SGCZ: variants seen among roughly 807,000 people sequenced by gnomAD.
SGCZ encodes sarcoglycan zeta.
In SGCZ, 40 loss-of-function variants were observed where a neutral mutation model predicts 41.3. The ratio of observed to expected loss-of-function variants is 0.97; its 90% CI spans 0.75 to 1.26. The LOEUF is 1.26. Ranked by LOEUF, SGCZ falls within the 50% of genes most tolerant of loss-of-function variation. The pLI, the probability that SGCZ is intolerant of heterozygous loss-of-function variation, is 0.00. For synonymous variants in SGCZ, 206 were observed against 137.5 expected, an observed-to-expected ratio of 1.50 and a Z score of -3.49; for missense variants, 552 against 369.8, an observed-to-expected ratio of 1.49 and a Z score of -4.04.
Position 14,205,509 on chromosome 8 carries a change from T to C in SGCZ, c.424+32083A>G, listed in dbSNP as rs1483453878. On this transcript the variant is annotated intron_variant, in intron 4 of 7. Coordinates refer to ENST00000382080, the MANE Select transcript of SGCZ (RefSeq NM_139167.4). ...ACCACAGTCTAAACATTGCCGATGATGTCATCCACTGTTTGTTATTTAAGG... is the reference window on the plus strand; with the variant it reads ...ACCACAGTCTAAACATTGCCGATGACGTCATCCACTGTTTGTTATTTAAGG... Among the ~76,000 whole-genome samples, 7 of 152,226 alleles carry C rather than the reference T, an allele frequency of 4.6e-5. No homozygotes were observed. In the East Asian group the frequency reaches 1.2e-3, roughly 25 times the overall value.
At chr8:14,414,695 G>T (rs1799449225) in intron 2 of SGCZ, among the ~76,000 whole-genome samples, 1 of 151,852 alleles carries the variant, frequency 6.6e-6, no homozygotes. Context: ...CAATAAGCTT[G>T]GCCAATCATG....
intron 1 of SGCZ, among the ~76,000 whole-genome samples, chr8:15,190,680 T>TG (rs1800506803): frequency 6.7e-6 from 1 of 149,468 alleles, no homozygotes; most frequent in Admixed American, 6.7e-5. Context: ...TAAAATTGTG[T>TG]GGGGGGAGGT....
At chr8:14,411,238 A>G (rs1160316742) in intron 2 of SGCZ, among the ~76,000 whole-genome samples, 3 of 152,172 alleles carry the variant, frequency 2.0e-5, no homozygotes, top group Non-Finnish European at 2.9e-5. Context: ...TACAACTCTT[A>G]CATAGTATGA....
intron 1 of SGCZ, among the ~76,000 whole-genome samples, chr8:15,026,515 AC>A (rs1336621791): frequency 1.3e-5 from 2 of 152,344 alleles, no homozygotes; most frequent in African/African-American, 4.8e-5. Context: ...AGAAGTTCAA[AC>A]AAAAATGCAT....
chr8:14,642,481 A>G (rs1473464791), intron 1 of SGCZ, among the ~76,000 whole-genome samples: 1 of 151,418 alleles, frequency 6.6e-6, no homozygotes, highest in African/African-American at 2.4e-5. Flanking sequence ...GTAACTTACT[A>G]TATGTAAGTT....
At chr8:14,243,920 A>C (rs1798982481) in intron 3 of SGCZ, among the ~76,000 whole-genome samples, 1 of 152,130 alleles carries the variant, frequency 6.6e-6, no homozygotes, top group South Asian at 2.1e-4. Flanking sequence ...CATTTAACTG[A>C]ACTGTCCTGA....
chr8:14,307,720 G>GTGAT (rs1801392999), intron 3 of SGCZ, among the ~76,000 whole-genome samples: 2 of 152,014 alleles, frequency 1.3e-5, no homozygotes, highest in Non-Finnish European at 2.9e-5. Flanking sequence ...TAACAAAGTG[G>GTGAT]TGATTTTTTT....
intron 1 of SGCZ, among the ~76,000 whole-genome samples, chr8:14,714,737 T>A (rs960315914): frequency 6.6e-6 from 1 of 151,830 alleles, no homozygotes; most frequent in East Asian, 1.9e-4. Flanking sequence ...TAGAAAAAAA[T>A]TAAAAATAAA....
intron 1 of SGCZ, among the ~76,000 whole-genome samples, chr8:14,684,776 T>A (rs1384765899): frequency 6.6e-6 from 1 of 151,836 alleles, no homozygotes; most frequent in African/African-American, 2.4e-5. Context: ...AAGTCTTTCC[T>A]TTCAAAAAAA....
At chr8:14,543,935 G>A (rs1031721992) in intron 2 of SGCZ, among the ~76,000 whole-genome samples, 2 of 152,080 alleles carry the variant, frequency 1.3e-5, no homozygotes, top group Admixed American at 6.6e-5. Context: ...TCTTAGAGAT[G>A]TGTTATGGCC....
intron 5 of SGCZ, among the ~76,000 whole-genome samples, chr8:14,134,113 A>G (rs1430811462): frequency 6.6e-6 from 1 of 152,226 alleles, no homozygotes; most frequent in African/African-American, 2.4e-5. Context: ...ATACGAGCAT[A>G]ACAATTGACA....
chr8:14,496,196 G>C (rs542869718), intron 2 of SGCZ, among the ~76,000 whole-genome samples: 8 of 151,730 alleles, frequency 5.3e-5, no homozygotes, highest in African/African-American at 1.9e-4. Context: ...CTCCTGAGTA[G>C]ATGGGACTTC....
intron 2 of SGCZ, among the ~76,000 whole-genome samples, chr8:14,396,865 T>C (rs1798934813): frequency 6.6e-6 from 1 of 152,114 alleles, no homozygotes; most frequent in Non-Finnish European, 1.5e-5. Context: ...AGCATTATTG[T>C]GCATTTAAAA....
At chr8:14,803,303 T>G (rs1016102003) in intron 1 of SGCZ, among the ~76,000 whole-genome samples, 1 of 152,102 alleles carries the variant, frequency 6.6e-6, no homozygotes, top group African/African-American at 2.4e-5. Context: ...TTTCTGCATT[T>G]CCATCTGAGG....
intron 1 of SGCZ, among the ~76,000 whole-genome samples, chr8:14,614,169 G>C (rs1806020132): frequency 6.6e-6 from 1 of 152,234 alleles, no homozygotes; most frequent in East Asian, 1.9e-4. Context: ...TAAATTAAAT[G>C]TGTTGTCAAG....
At chr8:14,291,116 GT>G (rs1022926832) in intron 3 of SGCZ, among the ~76,000 whole-genome samples, 1 of 152,032 alleles carries the variant, frequency 6.6e-6, no homozygotes, top group Non-Finnish European at 1.5e-5. Flanking sequence ...AATCTAAAAA[GT>G]TTTTATCACA....
chr8:14,313,916 GT>G, intron 3 of SGCZ, among the ~76,000 whole-genome samples: 1 of 65,852 alleles, frequency 1.5e-5, no homozygotes, highest in East Asian at 6.8e-4. Flanking sequence ...CTCTCTGTGT[GT>G]GTGTGTGTGT....
intron 1 of SGCZ, among the ~76,000 whole-genome samples, chr8:14,903,009 A>T (rs17120528): frequency 0.088 from 13,326 of 152,156 alleles, 762 homozygotes; most frequent in African/African-American, 0.17. Flanking sequence ...ATCCCTCTTA[A>T]ATTAACAGTA....
intron 2 of SGCZ, among the ~76,000 whole-genome samples, chr8:14,498,778 A>G (rs1427483094): frequency 1.3e-5 from 2 of 152,100 alleles, no homozygotes; most frequent in Non-Finnish European, 1.5e-5. Flanking sequence ...TAAAAATTAA[A>G]AACATATATT....
Sources: allele counts gnomAD v4.1 joint callset (sites outside exome capture counted in the v4.1 genomes callset), GRCh38; gene constraint gnomAD v4.1.1; transcripts MANE v1.5; gene names NCBI Gene and HGNC (gene_info 2026-07-23, HGNC 2026-07-21).